The following IGF2BP3 variants were observed in gnomAD, a reference collection of about 807,000 sequenced individuals.
IGF2BP3 encodes insulin like growth factor 2 mRNA binding protein 3.
Under a neutral mutation model 73.8 loss-of-function variants are expected in IGF2BP3, and 9 were observed. The observed-to-expected ratio is 0.12, with a 90% CI of 0.07 to 0.21. The LOEUF is 0.21. IGF2BP3 is among the 10% of genes least tolerant of loss of function. The pLI, the probability that IGF2BP3 is intolerant of heterozygous loss-of-function variation, is 1.00. For missense variants in IGF2BP3, 542 were observed against 714.0 expected, an observed-to-expected ratio of 0.76 and a Z score of 2.75; for synonymous variants, 258 against 256.7, an observed-to-expected ratio of 1.01 and a Z score of -0.05.
At chr7:23,383,959 G>C (rs960845881) in intron 3 of IGF2BP3, among the ~76,000 whole-genome samples, 1 of 151,890 alleles carries the variant, frequency 6.6e-6, no homozygotes, top group Non-Finnish European at 1.5e-5. Context: ...AGTCGGGCGT[G>C]GTGGTGGGCG....
chr7:23,326,907 G>A (rs941441102), intron 10 of IGF2BP3, among the ~76,000 whole-genome samples: 6 of 129,828 alleles, frequency 4.6e-5, no homozygotes, highest in Admixed American at 4.2e-4. Flanking sequence ...TCACACTCTG[G>A]GGACTGTTGT....
At chr7:23,335,235 T>G (rs1784544107) in intron 10 of IGF2BP3, among the ~76,000 whole-genome samples, 1 of 151,834 alleles carries the variant, frequency 6.6e-6, no homozygotes, top group African/African-American at 2.4e-5. Flanking sequence ...GGAGGAAGAC[T>G]AAGAGACTCC....
Position 23,451,687 on chromosome 7 carries a change from G to A in IGF2BP3, c.236+16795C>T, listed in dbSNP as rs182304093. ...GTTAGGGCTGGGCACGGTGGCTCACGCCTGTATTCACAACACCTTGGGAGG... is the reference window on the plus strand; with the variant it reads ...GTTAGGGCTGGGCACGGTGGCTCACACCTGTATTCACAACACCTTGGGAGG... On this transcript the variant is annotated intron_variant, in intron 2 of 14. Transcript: ENST00000258729. Among the ~76,000 whole-genome samples, 7 of 152,052 alleles carry A rather than the reference G, an allele frequency of 4.6e-5. No individual in the cohort carries two copies. In the South Asian group the frequency reaches 8.3e-4, roughly 18 times the overall value.
rs140504107 is a variant in IGF2BP3, at chr7:23,449,836, G to C, written c.236+18646C>G. On this transcript the variant is annotated intron_variant, in intron 2 of 14. Coordinates refer to ENST00000258729, the MANE Select transcript of IGF2BP3 (RefSeq NM_006547.3). ...GCTACCTCAGCCTCCCAAAGTTCATGTGAAAGGCATGAGCCATCACACCCA... is the reference window on the plus strand; with the variant it reads ...GCTACCTCAGCCTCCCAAAGTTCATCTGAAAGGCATGAGCCATCACACCCA... Among the ~76,000 whole-genome samples the C allele has an allele frequency of 9.1e-3, 1,380 of 152,104 alleles. 10 individuals carry two copies. Among genetic ancestry groups the C allele is most frequent in the Non-Finnish European group, 0.015 (1,031 of 67,994 alleles).
At chr7:23,317,224 T>A (rs1261121365) in intron 12 of IGF2BP3, among the ~76,000 whole-genome samples, 1 of 152,088 alleles carries the variant, frequency 6.6e-6, no homozygotes, top group African/African-American at 2.4e-5. Context: ...ATTTGTAGAG[T>A]CTATGGGCAG....
intron 10 of IGF2BP3, among the ~76,000 whole-genome samples, chr7:23,340,936 G>A (rs1041342893): frequency 6.8e-6 from 1 of 147,728 alleles, no homozygotes; most frequent in Non-Finnish European, 1.5e-5. Context: ...TACCACCTCT[G>A]CCTCCTGGGT....
intron 2 of IGF2BP3, among the ~76,000 whole-genome samples, chr7:23,456,843 C>A (rs115147169): frequency 3.0e-4 from 45 of 151,852 alleles, no homozygotes; most frequent in Non-Finnish European, 6.0e-4. Flanking sequence ...AGGTCGAGAT[C>A]GAGACCATCC....
At chr7:23,369,823 T>C (rs1291389850) in intron 3 of IGF2BP3, among the ~76,000 whole-genome samples, 2 of 152,142 alleles carry the variant, frequency 1.3e-5, no homozygotes, top group East Asian at 1.9e-4. Context: ...GGCTGTATTT[T>C]AGTTGATACC....
chr7:23,327,532 C>A (rs990653486), intron 10 of IGF2BP3, among the ~76,000 whole-genome samples: 1 of 152,120 alleles, frequency 6.6e-6, no homozygotes, highest in Non-Finnish European at 1.5e-5. Flanking sequence ...CCGCCCGCCT[C>A]GGCCTCCCAA....
intron 11 of IGF2BP3, 32 bp downstream of exon 11, chr7:23,319,106 G>C: frequency 2.3e-6 from 3 of 1,322,390 alleles, no homozygotes; most frequent in Non-Finnish European, 2.1e-6. Flanking sequence ...CTTACTTAAA[G>C]AACCAGAGAA....
intron 3 of IGF2BP3, among the ~76,000 whole-genome samples, chr7:23,369,518 G>A (rs915938044): frequency 6.6e-6 from 1 of 152,126 alleles, no homozygotes; most frequent in African/African-American, 2.4e-5. Context: ...ATGCTTTGGT[G>A]TTTGCTTTCC....
At chr7:23,441,242 G>C (rs936616435) in intron 2 of IGF2BP3, among the ~76,000 whole-genome samples, 2 of 151,970 alleles carry the variant, frequency 1.3e-5, no homozygotes, top group African/African-American at 4.8e-5. Flanking sequence ...GACCAGCCTG[G>C]GCAATATAGT....
At chr7:23,323,512 G>A (rs1403143001) in intron 10 of IGF2BP3, among the ~76,000 whole-genome samples, 8 of 146,370 alleles carry the variant, frequency 5.5e-5, no homozygotes, top group Non-Finnish European at 1.0e-4. Flanking sequence ...ACAGATCAAC[G>A]AGACAGAAAG....
intron 3 of IGF2BP3, among the ~76,000 whole-genome samples, chr7:23,386,880 A>G (rs1207616932): frequency 1.3e-5 from 2 of 152,144 alleles, no homozygotes; most frequent in Non-Finnish European, 2.9e-5. Context: ...CAGCCTGGCC[A>G]ATATGGTGAA....
intron 2 of IGF2BP3, among the ~76,000 whole-genome samples, chr7:23,442,113 G>T (rs1021205404): frequency 2.6e-5 from 4 of 152,208 alleles, no homozygotes; most frequent in African/African-American, 4.8e-5. Context: ...GGCAACAAGA[G>T]TGAAACTCTG....
rs1346037405 is a variant in IGF2BP3, at chr7:23,342,091, G to A, written c.1176C>T (p.Ala392=). The change falls in exon 10 of 15, where the codon GCC becomes GCT. Residue 392 remains alanine (A), a synonymous_variant. Transcript: ENST00000258729. The part of the protein sequence containing the change: ...MPPPTSGPPS[A]MTPPYPQFEQ... ...CAAACTGCGGGTAGGGAGGAGTCAT[G>A]GCTGAAGGGGGCCCTGAGGTGGGAG... 7 of 1,599,104 alleles carry A rather than the reference G, an allele frequency of 4.4e-6. No individual in the cohort carries two copies. The highest frequency in any genetic ancestry group is 6.0e-6 in the Non-Finnish European group (7 of 1,175,512).
rs1166596665 is a variant in IGF2BP3 at position 23,347,709 on chromosome 7, C to T, written c.709G>A (p.Ala237Thr). 1.2e-6 allele frequency: 2 copies of T among 1,613,992 alleles called. No homozygotes were observed. Among genetic ancestry groups the T allele is most frequent in the Non-Finnish European group, 1.7e-6 (2 of 1,180,022 alleles). The change falls in exon 7 of 15, where the codon GCG becomes ACG. Residue 237 changes from alanine to threonine, a missense_variant. By Grantham distance (58) the Ala-to-Thr change is moderately conservative. This residue lies in a region of IGF2BP3 where 303 missense variants were observed against 472.1 expected (regional missense o/e 0.64). Coordinates refer to ENST00000258729, the MANE Select transcript of IGF2BP3 (RefSeq NM_006547.3). ...SKIDVHRKENAGAAEKSITIL... is the reference protein window; with the variant it reads ...SKIDVHRKENTGAAEKSITIL... Reference sequence around the variant, plus strand: ...GTAATCGACTTCTCAGCAGCCCCCGCATTTTCTTTACGGTGGACATCGATT... The same window carrying T: ...GTAATCGACTTCTCAGCAGCCCCCGTATTTTCTTTACGGTGGACATCGATT...
chr7:23,468,572 G>A (rs777362861), intron 1 of IGF2BP3, 30 bp from the exon 2 acceptor site: 4 of 1,609,766 alleles, frequency 2.5e-6, no homozygotes, highest in Admixed American at 3.3e-5. Context: ...GAGACGGTCG[G>A]CCGAGTTCAG....
At chr7:23,353,788 G>T (rs1414230380) in intron 5 of IGF2BP3, among the ~76,000 whole-genome samples, 1 of 152,164 alleles carries the variant, frequency 6.6e-6, no homozygotes, top group African/African-American at 2.4e-5. Context: ...CCAATGCCTT[G>T]ATGACAGAAC....
Sources: allele counts gnomAD v4.1 joint callset (sites outside exome capture counted in the v4.1 genomes callset), GRCh38; gene constraint gnomAD v4.1.1; regional missense constraint gnomAD v4.1.1; transcripts MANE v1.5; gene names NCBI Gene and HGNC (gene_info 2026-07-23, HGNC 2026-07-21).